The following FAF1 variants were observed in gnomAD, a reference collection of about 807,000 sequenced individuals.
The protein encoded by FAF1 is FAS-associated factor 1.
Under a neutral mutation model 92.5 loss-of-function variants are expected in FAF1, and 25 were observed. The ratio of observed to expected loss-of-function variants is 0.27; its 90% CI spans 0.20 to 0.38. The LOEUF (loss-of-function observed/expected upper bound fraction) is 0.38, where lower values mean the gene tolerates loss of function less well. FAF1 is among the 10% of genes least tolerant of loss of function. The pLI, the probability that FAF1 is intolerant of heterozygous loss-of-function variation, is 1.00. For synonymous variants in FAF1, 234 were observed against 273.2 expected (o/e 0.86, Z 1.42); for missense variants, 636 against 793.3 (o/e 0.80, Z 2.38).
intron 13 of FAF1, among the ~76,000 whole-genome samples, chr1:50,552,308 A>C (rs190095370): frequency 1.5e-3 from 225 of 152,074 alleles, no homozygotes; most frequent in Non-Finnish European, 2.7e-3. Context: ...AAAAAAAAAA[A>C]AAAAAACTTC....
chr1:50,718,754 T>C (rs1261207198), intron 6 of FAF1, among the ~76,000 whole-genome samples: 3 of 152,212 alleles, frequency 2.0e-5, no homozygotes, highest in East Asian at 3.8e-4. Flanking sequence ...ACCATTTATA[T>C]CTTTCCAAAT....
intron 6 of FAF1, among the ~76,000 whole-genome samples, chr1:50,723,516 T>C (rs1352509243): frequency 6.6e-6 from 1 of 152,124 alleles, no homozygotes; most frequent in African/African-American, 2.4e-5. Context: ...TCTTTCATGG[T>C]TGGGATAACA....
At chr1:50,820,541 G>A (rs190026113) in intron 2 of FAF1, among the ~76,000 whole-genome samples, 75 of 152,024 alleles carry the variant, frequency 4.9e-4, no homozygotes, top group Admixed American at 3.7e-3. Context: ...AGCAAATTTC[G>A]AGACGTAAAC....
At chr1:50,509,267 A>G (rs1024827330) in intron 15 of FAF1, among the ~76,000 whole-genome samples, 1 of 152,188 alleles carries the variant, frequency 6.6e-6, no homozygotes, top group Non-Finnish European at 1.5e-5. Context: ...TTCCACATCT[A>G]AAGTATAAAT....
intron 4 of FAF1, among the ~76,000 whole-genome samples, chr1:50,746,940 C>G (rs1474660326): frequency 6.6e-6 from 1 of 152,190 alleles, no homozygotes; most frequent in Non-Finnish European, 1.5e-5. Context: ...AACCTGGGTA[C>G]TGTTTGGGCC....
At chr1:50,702,462 A>G (rs888612751) in intron 7 of FAF1, among the ~76,000 whole-genome samples, 1 of 152,134 alleles carries the variant, frequency 6.6e-6, no homozygotes, top group Non-Finnish European at 1.5e-5. Flanking sequence ...TCACAGAGTT[A>G]CTGTCACATT....
intron 1 of FAF1, among the ~76,000 whole-genome samples, chr1:50,891,429 C>T (rs1039915181): frequency 2.0e-5 from 3 of 152,110 alleles, no homozygotes; most frequent in African/African-American, 7.2e-5. Flanking sequence ...CAGCAGAATT[C>T]TAAAAATTCT....
chr1:50,456,089 T>A (rs1423013721), intron 18 of FAF1, among the ~76,000 whole-genome samples: 1 of 150,494 alleles, frequency 6.6e-6, no homozygotes, highest in African/African-American at 2.4e-5. Context: ...AAAAAAAAAT[T>A]TTTTTTTTTT....
chr1:50,621,968 C>T (rs1295630278), intron 8 of FAF1, among the ~76,000 whole-genome samples: 3 of 152,008 alleles, frequency 2.0e-5, no homozygotes, highest in Admixed American at 6.5e-5. Flanking sequence ...AAGTTCGAGA[C>T]CAGCCTGGCC....
At chr1:50,644,933 C>G (rs79248756) in intron 8 of FAF1, among the ~76,000 whole-genome samples, 1 of 152,210 alleles carries the variant, frequency 6.6e-6, no homozygotes, top group African/African-American at 2.4e-5. Flanking sequence ...ATTTACTGAG[C>G]AAACATTTCC....
chr1:50,693,886 T>C (rs1657050727), intron 7 of FAF1, among the ~76,000 whole-genome samples: 1 of 152,038 alleles, frequency 6.6e-6, no homozygotes, highest in African/African-American at 2.4e-5. Context: ...GACCAAATTT[T>C]AGAGTCAATA....
chr1:50,775,649 G>A (rs1660929954), intron 4 of FAF1, among the ~76,000 whole-genome samples: 1 of 151,886 alleles, frequency 6.6e-6, no homozygotes, highest in Non-Finnish European at 1.5e-5. Flanking sequence ...TCACCACAGG[G>A]CAACTATATA....
At chr1:50,724,029 G>A (rs113177430) in intron 6 of FAF1, among the ~76,000 whole-genome samples, 3,038 of 151,940 alleles carry the variant, frequency 0.02, 101 homozygotes, top group African/African-American at 0.07. Context: ...GATTATAGGC[G>A]TGAGCCACCA....
At chr1:50,615,801 G>A (rs774757741) in intron 8 of FAF1, among the ~76,000 whole-genome samples, 6 of 152,094 alleles carry the variant, frequency 3.9e-5, no homozygotes, top group Non-Finnish European at 8.8e-5. Context: ...CTCCCATTCT[G>A]TATGTCATTT....
intron 2 of FAF1, among the ~76,000 whole-genome samples, chr1:50,830,882 T>C (rs1276053715): frequency 5.3e-5 from 8 of 152,134 alleles, no homozygotes; most frequent in Non-Finnish European, 1.2e-4. Context: ...TTTTGTAACC[T>C]AAACCCATTT....
intron 7 of FAF1, among the ~76,000 whole-genome samples, chr1:50,702,003 C>T (rs1200218668): frequency 2.6e-5 from 4 of 152,048 alleles, no homozygotes; most frequent in Non-Finnish European, 5.9e-5. Context: ...TAATTCTGCA[C>T]TAAAAATACT....
intron 18 of FAF1, among the ~76,000 whole-genome samples, chr1:50,475,089 T>C (rs1047005861): frequency 6.6e-6 from 1 of 152,222 alleles, no homozygotes; most frequent in African/African-American, 2.4e-5. Flanking sequence ...CCTACATTCA[T>C]TGACCCTGAT....
chr1:50,555,294 C>A (rs778339779), intron 13 of FAF1, among the ~76,000 whole-genome samples: 8 of 114,148 alleles, frequency 7.0e-5, no homozygotes, highest in East Asian at 2.3e-4. Context: ...CACACACACA[C>A]CCCCCAAAAT....
intron 1 of FAF1, among the ~76,000 whole-genome samples, chr1:50,935,235 A>C (rs542385859): frequency 1.3e-5 from 2 of 152,332 alleles, no homozygotes; most frequent in East Asian, 3.9e-4. Flanking sequence ...TTAATGCCAA[A>C]ATTTTATAAT....
Sources: gnomAD v4.1 joint callset for allele counts (sites outside exome capture counted in the v4.1 genomes callset) on GRCh38, gnomAD v4.1.1 for gene constraint, MANE v1.5 for transcripts, NCBI Gene and HGNC (gene_info 2026-07-23, HGNC 2026-07-21) for gene names.